The following UBIAD1 variants were observed in gnomAD, a reference collection of about 807,000 sequenced individuals.
The protein encoded by UBIAD1 is ubiA prenyltransferase domain-containing protein 1.
Under a neutral mutation model 20.1 loss-of-function variants are expected in UBIAD1, and 12 were observed. The ratio of observed to expected loss-of-function variants is 0.60; its 90% CI spans 0.38 to 0.97. The LOEUF is 0.97. UBIAD1 is among the 50% of genes least tolerant of loss of function. The pLI is 0.00. For synonymous variants in UBIAD1, 207 were observed against 189.2 expected (o/e 1.09, Z -0.77); for missense variants, 333 against 419.5 (o/e 0.79, Z 1.80).
At chr1:11,296,526 C>G (rs1048749021), downstream of UBIAD1, among the ~76,000 whole-genome samples, 1 of 152,012 alleles carries the variant, frequency 6.6e-6, no homozygotes, top group African/African-American at 2.4e-5. Context: ...CCCTGTCCCC[C>G]CCTTTGTTTT....
At chr1:11,289,570 T>TATTA (rs1368413837), downstream of UBIAD1, among the ~76,000 whole-genome samples, 1 of 152,018 alleles carries the variant, frequency 6.6e-6, no homozygotes, top group Non-Finnish European at 1.5e-5. Flanking sequence ...TTTATTTATT[T>TATTA]ATTATTTTTT....
chr1:11,275,061 A>G (rs1209120998), intron 1 of UBIAD1, among the ~76,000 whole-genome samples: 9 of 152,208 alleles, frequency 5.9e-5, no homozygotes, highest in Admixed American at 5.9e-4. Flanking sequence ...CAAGAGGCTG[A>G]TTAAGGTAGT....
At chr1:11,298,582 A>C (rs1308490978), downstream of UBIAD1, among the ~76,000 whole-genome samples, 2 of 150,682 alleles carry the variant, frequency 1.3e-5, no homozygotes, top group African/African-American at 4.9e-5. The surrounding 1 kb of genome is among the most constrained non-coding windows in gnomAD (Gnocchi z 4.0). Context: ...ATAAATAAAT[A>C]AATAAATAAA....
At chr1:11,298,770 A>T (rs983662531), downstream of UBIAD1, among the ~76,000 whole-genome samples, 6 of 152,082 alleles carry the variant, frequency 3.9e-5, no homozygotes, top group Non-Finnish European at 7.4e-5. The surrounding 1 kb of genome is among the most constrained non-coding windows in gnomAD (Gnocchi z 4.0). Flanking sequence ...AGCCATCTCA[A>T]TGTCTAGACA....
At chr1:11,282,621 T>C (rs572249284) in intron 1 of UBIAD1, among the ~76,000 whole-genome samples, 10 of 148,334 alleles carry the variant, frequency 6.7e-5, no homozygotes, top group African/African-American at 2.3e-4. Flanking sequence ...TGGAGTACAA[T>C]GGTGCGACCT....
At chr1:11,295,254 C>A, downstream of UBIAD1, 1 of 317,364 alleles carries the variant, frequency 3.2e-6, no homozygotes, top group South Asian at 4.0e-5. Context: ...AAGAGGTGGC[C>A]ATAAGAGGTG....
At chr1:11,284,269 G>A (rs764417126) in intron 1 of UBIAD1, among the ~76,000 whole-genome samples, 8 of 152,126 alleles carry the variant, frequency 5.3e-5, no homozygotes, top group Non-Finnish European at 8.8e-5. Context: ...GGCCAAGGGA[G>A]GGGTGTCTGA....
intron 1 of UBIAD1, among the ~76,000 whole-genome samples, chr1:11,275,333 C>G (rs777788626): frequency 2.0e-5 from 3 of 152,102 alleles, no homozygotes; most frequent in African/African-American, 4.8e-5. Flanking sequence ...TTGAATTGAT[C>G]ACCCTGATTA....
Position 11,273,842 on chromosome 1 carries a change from A to T in UBIAD1, c.311A>T (p.Tyr104Phe). Residue 104 changes from tyrosine (Y) to phenylalanine (F), a missense_variant, in exon 1 of 2, where the codon TAC becomes TTC. This residue lies in a region of UBIAD1 where 50 missense variants were observed against 101.2 expected (regional missense o/e 0.49). Transcript: ENST00000376810. This position sits in a 1 kb window ranked among gnomAD's most constrained non-coding sequence, Gnocchi z 4.9. ...GGGGCCGGTAATTTGGTCAACACTT[A>T]CTATGACTTTTCCAAGGGCATTGAC... ...VHGAGNLVNT[Y>F]YDFSKGIDHK... 1.2e-6 allele frequency: 2 copies of T among 1,614,160 alleles called. No homozygotes were observed. Among genetic ancestry groups the T allele is most frequent in the Non-Finnish European group, 1.7e-6 (2 of 1,180,020 alleles).
Position 11,287,263 on chromosome 1 carries a change from C to T in UBIAD1, c.*1132C>T, listed in dbSNP as rs1638288720. The stretch of plus-strand genomic sequence containing the variant: ...CCAGTTAAGGGGCTGTGTCTTCATC[C>T]TTGAAGACAGATGTGCAATATTGAC... On this transcript the variant is annotated 3_prime_UTR_variant, in exon 2 of 2. Transcript: ENST00000376810. 1 of 152,252 alleles carries T rather than the reference C, an allele frequency of 6.6e-6. No individual in the cohort carries two copies. Among genetic ancestry groups the T allele is most frequent in the African/African-American group, 2.4e-5 (1 of 41,444 alleles). The allele number at this position is 152,252 out of a possible 1,614,324, so 9.4% of individuals were successfully genotyped here.
At chr1:11,298,831 G>C (rs1293888174), downstream of UBIAD1, among the ~76,000 whole-genome samples, 1 of 152,236 alleles carries the variant, frequency 6.6e-6, no homozygotes, top group Non-Finnish European at 1.5e-5. The surrounding 1 kb of genome is among the most constrained non-coding windows in gnomAD (Gnocchi z 4.0). Flanking sequence ...ACAGAGGGCT[G>C]TGAGCAGAGG....
chr1:11,298,426 G>A (rs143452236), downstream of UBIAD1, among the ~76,000 whole-genome samples: 1,417 of 152,064 alleles, frequency 9.3e-3, 23 homozygotes, highest in African/African-American at 0.032. The surrounding 1 kb of genome is among the most constrained non-coding windows in gnomAD (Gnocchi z 4.0). Flanking sequence ...AAATTAGCCG[G>A]GCATGGTGGC....
At chr1:11,298,291 G>C (rs1638478230), downstream of UBIAD1, among the ~76,000 whole-genome samples, 1 of 151,942 alleles carries the variant, frequency 6.6e-6, no homozygotes, top group African/African-American at 2.4e-5. The surrounding 1 kb of genome is among the most constrained non-coding windows in gnomAD (Gnocchi z 4.0). Context: ...AATTGGGCCA[G>C]ACACAGTGGC....
chr1:11,283,006 A>G (rs911801183), intron 1 of UBIAD1, among the ~76,000 whole-genome samples: 2 of 149,332 alleles, frequency 1.3e-5, no homozygotes, highest in African/African-American at 2.5e-5. Flanking sequence ...GATTACAGAC[A>G]TGCGCCACTA....
chr1:11,289,598 T>C (rs1638332074), downstream of UBIAD1, among the ~76,000 whole-genome samples: 1 of 152,124 alleles, frequency 6.6e-6, no homozygotes, highest in African/African-American at 2.4e-5. Flanking sequence ...TATGTCTCAG[T>C]GTCGCCTGGG....
At position 11,285,499 on chromosome 1, in the gene UBIAD1, G is replaced by A; in HGVS notation, c.530-145G>A. On this transcript the variant is annotated intron_variant, in intron 1 of 1. Coordinates refer to ENST00000376810, the MANE Select transcript of UBIAD1 (RefSeq NM_013319.3). This position sits in a 1 kb window ranked among gnomAD's most constrained non-coding sequence, Gnocchi z 4.4. ...AGAAGAAATCAGAATTTGCTCTGTGGGGTTAAGGGATGAAATGAGTGCCCA... is the reference window on the plus strand; with the variant it reads ...AGAAGAAATCAGAATTTGCTCTGTGAGGTTAAGGGATGAAATGAGTGCCCA... 1 of 1,245,356 alleles carries A rather than the reference G, an allele frequency of 8.0e-7. No individual in the cohort carries two copies. The highest frequency in any genetic ancestry group is 1.1e-6 in the Non-Finnish European group (1 of 878,788). 77.1% of individuals were successfully genotyped at this position (1,245,356 alleles called of 1,614,324 possible).
Position 11,273,687 on chromosome 1 carries a change from C to T in UBIAD1, c.156C>T (p.Ala52=). ...AGAAGTGTGCCTCCTACGTGTTGGC[C>T]CTGAGGCCCTGGAGCTTCAGTGCCT... The part of the protein sequence containing the change: ...WRQKCASYVL[A]LRPWSFSASL... Residue 52 remains alanine, a synonymous_variant, in exon 1 of 2, where the codon GCC becomes GCT. Coordinates refer to ENST00000376810, the MANE Select transcript of UBIAD1 (RefSeq NM_013319.3). The surrounding 1 kb of genome is among the most constrained non-coding windows in gnomAD (Gnocchi z 4.9). 6.2e-7 allele frequency: 1 copy of T among 1,614,136 alleles called. No individual in the cohort carries two copies. The highest frequency in any genetic ancestry group is 1.1e-5 in the South Asian group (1 of 91,088).
chr1:11,283,042 A>G (rs139049390), intron 1 of UBIAD1, among the ~76,000 whole-genome samples: 2,597 of 151,230 alleles, frequency 0.017, 62 homozygotes, highest in African/African-American at 0.058. Flanking sequence ...TTGTATTTTT[A>G]GTGGAGATGG....
intron 1 of UBIAD1, among the ~76,000 whole-genome samples, chr1:11,282,924 G>A (rs571772672): frequency 8.0e-5 from 12 of 149,230 alleles, no homozygotes; most frequent in Middle Eastern, 3.5e-3. Flanking sequence ...GCAATGGCAC[G>A]ATCTCGGCTC....
Sources: allele counts gnomAD v4.1 joint callset (sites outside exome capture counted in the v4.1 genomes callset), GRCh38; gene constraint gnomAD v4.1.1; regional missense constraint gnomAD v4.1.1; non-coding constraint Gnocchi (gnomAD v3.1); transcripts MANE v1.5; gene names NCBI Gene and HGNC (gene_info 2026-07-23, HGNC 2026-07-21).